GULP1: variants seen among roughly 807,000 people sequenced by gnomAD.
GULP1 encodes the protein PTB domain-containing engulfment adapter protein 1.
Under a neutral mutation model 40.9 loss-of-function variants are expected in GULP1, and 19 were observed. The observed-to-expected ratio is 0.46, with a 90% confidence interval of 0.32 to 0.68. The LOEUF (loss-of-function observed/expected upper bound fraction) is 0.68. Among genes scored for constraint, GULP1 ranks in the 30% least tolerant of loss-of-function variants. GULP1 has a pLI of 0.03. For missense variants in GULP1, 312 were observed against 362.2 expected (o/e 0.86, Z 1.12); for synonymous variants, 119 against 117.6 (o/e 1.01, Z -0.08).
chr2:188,383,094 A>G (rs2152504833), intron 1 of GULP1, among the ~76,000 whole-genome samples: 1 of 152,258 alleles, frequency 6.6e-6, no homozygotes, highest in Non-Finnish European at 1.5e-5. Flanking sequence ...TTGGCAAAAG[A>G]TACTATGCTG....
rs1249772171 is a variant in GULP1, at chr2:188,522,872, C to T, written c.162+45C>T. 3 of 1,197,884 alleles carry T rather than the reference C, an allele frequency of 2.5e-6. No individual in the cohort carries two copies. The South Asian group carries it at 3.7e-5, about 15-fold the overall frequency. The allele number at this position is 1,197,884 out of a possible 1,614,324, so 74.2% of individuals were successfully genotyped here. On this transcript the variant is annotated intron_variant, in intron 5 of 11. Transcript: ENST00000409830. ...TAAATTACAAGTGTATTGACTCTGTCATGTTTTCAGCAGATTGATGGAGAT... is the reference window on the plus strand; with the variant it reads ...TAAATTACAAGTGTATTGACTCTGTTATGTTTTCAGCAGATTGATGGAGAT...
chr2:188,388,778 A>G (rs1347550252), intron 2 of GULP1, among the ~76,000 whole-genome samples: 1 of 152,198 alleles, frequency 6.6e-6, no homozygotes, highest in South Asian at 2.1e-4. Flanking sequence ...AATGTAGCAG[A>G]TGTACCTGTA....
intron 2 of GULP1, among the ~76,000 whole-genome samples, chr2:188,463,280 C>G (rs1189117841): frequency 6.6e-6 from 1 of 152,078 alleles, no homozygotes; most frequent in Non-Finnish European, 1.5e-5. Flanking sequence ...GATATTTTTG[C>G]CATATACATT....
intron 3 of GULP1, among the ~76,000 whole-genome samples, chr2:188,479,062 A>G (rs2061250754): frequency 1.3e-5 from 2 of 152,122 alleles, no homozygotes; most frequent in Non-Finnish European, 1.5e-5. Flanking sequence ...TAAAGGACAA[A>G]TAGGTGTAAA....
chr2:188,338,348 A>AGCTCACTGCAGTCTCCATCTCCCAGG (rs937352345), intron 1 of GULP1, among the ~76,000 whole-genome samples: 2 of 150,368 alleles, frequency 1.3e-5, no homozygotes, highest in South Asian at 2.1e-4. Context: ...GTGAGACCAG[A>AGCTCACTGCAGTCTCCATCTCCCAGG]GCTCACTGCA....
intron 2 of GULP1, among the ~76,000 whole-genome samples, chr2:188,417,839 A>G (rs1382654557): frequency 2.0e-5 from 3 of 152,178 alleles, no homozygotes; most frequent in Middle Eastern, 3.4e-3. Context: ...CACCTAGGCT[A>G]AAGTGCAGTG....
At chr2:188,380,543 G>A (rs1395836791) in intron 1 of GULP1, among the ~76,000 whole-genome samples, 1 of 151,924 alleles carries the variant, frequency 6.6e-6, no homozygotes, top group Non-Finnish European at 1.5e-5. Context: ...TAAAGTCACA[G>A]GACAAACAAG....
chr2:188,427,076 A>G (rs1427611383), intron 2 of GULP1, among the ~76,000 whole-genome samples: 2 of 152,148 alleles, frequency 1.3e-5, no homozygotes, highest in African/African-American at 4.8e-5. Context: ...TGGAACTTTG[A>G]ACTTACGAGT....
chr2:188,501,684 A>G (rs1259559662), intron 4 of GULP1, among the ~76,000 whole-genome samples: 4 of 151,954 alleles, frequency 2.6e-5, no homozygotes, highest in African/African-American at 9.7e-5. Context: ...ATTGTCAAGA[A>G]GAGTAAAGGG....
chr2:188,402,380 C>T (rs1335919048), intron 2 of GULP1, among the ~76,000 whole-genome samples: 1 of 151,984 alleles, frequency 6.6e-6, no homozygotes, highest in Non-Finnish European at 1.5e-5. Flanking sequence ...TTTAAGTAAG[C>T]TACAAAACTC....
chr2:188,547,939 A>G (rs1212850640), intron 7 of GULP1, among the ~76,000 whole-genome samples: 2 of 152,092 alleles, frequency 1.3e-5, no homozygotes, highest in East Asian at 1.9e-4. Flanking sequence ...ACACACACTC[A>G]TTGTTTAAAA....
intron 1 of GULP1, among the ~76,000 whole-genome samples, chr2:188,369,968 A>G (rs1414315324): frequency 1.3e-5 from 2 of 152,052 alleles, no homozygotes; most frequent in African/African-American, 2.4e-5. Flanking sequence ...TTAGCGTCTC[A>G]AGTAGCTGGG....
chr2:188,549,907 G>T (rs1239276271), intron 7 of GULP1, among the ~76,000 whole-genome samples: 3 of 151,706 alleles, frequency 2.0e-5, no homozygotes, highest in Non-Finnish European at 4.4e-5. Context: ...AGGAAATGGA[G>T]AACAATTAGT....
intron 9 of GULP1, among the ~76,000 whole-genome samples, chr2:188,579,264 C>G (rs1700791664): frequency 2.0e-5 from 3 of 152,136 alleles, no homozygotes; most frequent in African/African-American, 7.2e-5. Context: ...AAAGACACAG[C>G]AGATATTCAA....
intron 2 of GULP1, among the ~76,000 whole-genome samples, chr2:188,448,358 C>T (rs186591124): frequency 6.6e-6 from 1 of 151,816 alleles, no homozygotes; most frequent in Non-Finnish European, 1.5e-5. Context: ...AATAATTTTC[C>T]CATGTCACTG....
At chr2:188,358,470 A>T (rs1424223573) in intron 1 of GULP1, among the ~76,000 whole-genome samples, 1 of 152,140 alleles carries the variant, frequency 6.6e-6, no homozygotes, top group Non-Finnish European at 1.5e-5. Context: ...TGTATTTTCA[A>T]ATAGGTAGAA....
intron 2 of GULP1, among the ~76,000 whole-genome samples, chr2:188,475,152 G>A (rs759667269): frequency 1.1e-4 from 16 of 152,018 alleles, no homozygotes; most frequent in Non-Finnish European, 1.6e-4. Flanking sequence ...GTTGTAAGAC[G>A]TGTTTTACAA....
At chr2:188,366,297 A>G (rs2152409463) in intron 1 of GULP1, among the ~76,000 whole-genome samples, 1 of 152,302 alleles carries the variant, frequency 6.6e-6, no homozygotes, top group African/African-American at 2.4e-5. Flanking sequence ...TACATGACAA[A>G]GCCACTGGAC....
intron 2 of GULP1, among the ~76,000 whole-genome samples, chr2:188,432,726 ACT>A (rs1178487086): frequency 1.3e-5 from 2 of 152,080 alleles, no homozygotes; most frequent in African/African-American, 2.4e-5. Context: ...GTAATTTAAA[ACT>A]CAGCTTATTT....
Sources: allele counts gnomAD v4.1 joint callset (sites outside exome capture counted in the v4.1 genomes callset), GRCh38; gene constraint gnomAD v4.1.1; transcripts MANE v1.5; gene names NCBI Gene and HGNC (gene_info 2026-07-23, HGNC 2026-07-21).